BLTP3A: variants seen among roughly 807,000 people sequenced by gnomAD.
The protein encoded by BLTP3A is ICBP90 binding protein 1.
At chr6:34,867,656 G>C in the BLTP3A span, 1 of 1,588,672 alleles carries the variant, frequency 6.3e-7, no homozygotes, top group Non-Finnish European at 8.6e-7. Context: ...CATGGGACTT[G>C]TCTAGGACAG....
the BLTP3A span, chr6:34,856,987 C>T: frequency 1.3e-6 from 2 of 1,587,180 alleles, no homozygotes; most frequent in Non-Finnish European, 1.7e-6. Context: ...TGGAAGGCAG[C>T]TGGAACAGTA....
chr6:34,823,507 A>G, the BLTP3A span, among the ~76,000 whole-genome samples: 3 of 151,888 alleles, frequency 2.0e-5, no homozygotes, highest in African/African-American at 7.3e-5. Flanking sequence ...TAATTTCAAC[A>G]ATTATCAACA....
the BLTP3A span, among the ~76,000 whole-genome samples, chr6:34,864,972 A>G: frequency 6.6e-6 from 1 of 152,134 alleles, no homozygotes; most frequent in Non-Finnish European, 1.5e-5. Flanking sequence ...TCTCAAAAAA[A>G]AGAGAGAATG....
chr6:34,858,907 C>T, the BLTP3A span: 1 of 1,614,184 alleles, frequency 6.2e-7, no homozygotes, highest in South Asian at 1.1e-5. Flanking sequence ...GCTTCAGGAG[C>T]AGCTGACTAA....
chr6:34,811,335 TGAAC>T, the BLTP3A span, among the ~76,000 whole-genome samples: 1 of 152,138 alleles, frequency 6.6e-6, no homozygotes, highest in South Asian at 2.1e-4. Flanking sequence ...TCTGAACAAA[TGAAC>T]ACAAAGGATT....
chr6:34,864,429 C>G, the BLTP3A span, among the ~76,000 whole-genome samples: 1 of 151,100 alleles, frequency 6.6e-6, no homozygotes, highest in Non-Finnish European at 1.5e-5. Context: ...GAAAGAGATT[C>G]AAACCAAAGG....
the BLTP3A span, among the ~76,000 whole-genome samples, chr6:34,803,412 G>T: frequency 6.6e-6 from 1 of 151,918 alleles, no homozygotes; most frequent in African/African-American, 2.4e-5. Context: ...CAGTTGCTCT[G>T]ATTTTGCCCT....
At chr6:34,808,091 C>G in the BLTP3A span, among the ~76,000 whole-genome samples, 1 of 151,280 alleles carries the variant, frequency 6.6e-6, no homozygotes, top group African/African-American at 2.4e-5. Flanking sequence ...TGACTGTAAT[C>G]CCAGTACTTT....
At chr6:34,855,758 A>C in the BLTP3A span, 5 of 1,608,972 alleles carry the variant, frequency 3.1e-6, no homozygotes, top group Non-Finnish European at 4.2e-6. Flanking sequence ...TATTGAGGGC[A>C]GATTCCTGGA....
At chr6:34,857,003 A>G in the BLTP3A span, 3 of 1,548,256 alleles carry the variant, frequency 1.9e-6, no homozygotes, top group Admixed American at 4.0e-5. Context: ...CAGTATAAAC[A>G]AAGTTTTGGA....
chr6:34,850,962 T>G, the BLTP3A span, among the ~76,000 whole-genome samples: 1 of 152,148 alleles, frequency 6.6e-6, no homozygotes, highest in Non-Finnish European at 1.5e-5. Context: ...AGCAAAGTGT[T>G]GGGATTATAG....
chr6:34,858,038 A>G, the BLTP3A span: 2 of 1,562,560 alleles, frequency 1.3e-6, no homozygotes, highest in Non-Finnish European at 1.7e-6. Context: ...TTCACAGCCC[A>G]AAGGATCTTT....
the BLTP3A span, among the ~76,000 whole-genome samples, chr6:34,804,062 T>G: frequency 6.6e-6 from 1 of 152,186 alleles, no homozygotes; most frequent in Non-Finnish European, 1.5e-5. Context: ...TGTATCCTTT[T>G]GCTGAGCCTC....
the BLTP3A span, among the ~76,000 whole-genome samples, chr6:34,841,457 A>G: frequency 3.9e-5 from 6 of 152,378 alleles, no homozygotes; most frequent in Middle Eastern, 3.4e-3. Flanking sequence ...TTAAATTAAA[A>G]TGAAAATTAC....
At chr6:34,795,235 G>A in the BLTP3A span, among the ~76,000 whole-genome samples, 2,562 of 151,656 alleles carry the variant, frequency 0.017, 39 homozygotes, top group Non-Finnish European at 0.027. Flanking sequence ...GCACCACCAT[G>A]CCCCTGGCTA....
the BLTP3A span, among the ~76,000 whole-genome samples, chr6:34,823,015 C>T: frequency 5.3e-3 from 814 of 152,178 alleles, 10 homozygotes; most frequent in South Asian, 0.023. Flanking sequence ...TGCTCTGAGC[C>T]CATCCCGTGC....
the BLTP3A span, among the ~76,000 whole-genome samples, chr6:34,868,722 T>TA: frequency 2.2e-3 from 297 of 133,396 alleles, 1 homozygote; most frequent in African/African-American, 4.2e-3. Context: ...AGACTCTGTT[T>TA]AAAAAAAAAA....
At chr6:34,839,740 G>A in the BLTP3A span, among the ~76,000 whole-genome samples, 22,175 of 152,192 alleles carry the variant, frequency 0.15, 1,967 homozygotes, top group African/African-American at 0.25. Context: ...CTGCTTGTCC[G>A]GGTGCTCGCA....
the BLTP3A span, among the ~76,000 whole-genome samples, chr6:34,810,021 TAC>T: frequency 2.0e-5 from 3 of 152,370 alleles, no homozygotes; most frequent in Non-Finnish European, 2.9e-5. Flanking sequence ...TAAATACATT[TAC>T]AGTTTTTCTG....
Sources: gnomAD v4.1 joint callset for allele counts (sites outside exome capture counted in the v4.1 genomes callset) on GRCh38, gnomAD v4.1.1 for gene constraint, MANE v1.5 for transcripts, NCBI Gene and HGNC (gene_info 2026-07-23, HGNC 2026-07-21) for gene names.